ZBTB20: variants seen among roughly 807,000 people sequenced by gnomAD.
The protein encoded by ZBTB20 is zinc finger and BTB domain-containing protein 20.
A neutral mutation model predicts 56.9 loss-of-function variants in ZBTB20; 9 were observed. The ratio of observed to expected loss-of-function variants is 0.16; its 90% CI spans 0.10 to 0.28. The LOEUF (loss-of-function observed/expected upper bound fraction) is 0.28, where lower values mean the gene tolerates loss of function less well. Ranked by LOEUF, ZBTB20 falls within the 10% of genes least tolerant of loss-of-function variation. The pLI is 1.00. For missense variants in ZBTB20, 655 were observed against 1,003.0 expected, an observed-to-expected ratio of 0.65 and a Z score of 4.69; for synonymous variants, 417 against 420.7, an observed-to-expected ratio of 0.99 and a Z score of 0.11.
intron 1 of ZBTB20, among the ~76,000 whole-genome samples, chr3:115,087,332 CT>C (rs1195596607): frequency 1.3e-5 from 2 of 151,738 alleles, no homozygotes; most frequent in African/African-American, 4.8e-5. Context: ...ATGACATTTC[CT>C]TTTTCCAGTT....
At position 114,464,936 on chromosome 3, in the gene ZBTB20, T is replaced by C. The variant is rs530494878; in HGVS notation, c.-255+35416A>G. Among the ~76,000 whole-genome samples, 3 of 152,272 alleles carry C rather than the reference T, an allele frequency of 2.0e-5. No individual in the cohort carries two copies. The South Asian group carries it at 6.2e-4, about 32-fold the overall frequency. ...GTTCTTTTTCTTTCAGCTCTGAATA[T>C]CCAGGAGTTTGTAGATGTTCTCAAG... is the stretch of plus-strand genomic sequence containing the variant. On this transcript the variant is annotated intron_variant, in intron 7 of 11. Transcript: ENST00000675478.
At chr3:114,928,971 T>C (rs937352572) in intron 3 of ZBTB20, among the ~76,000 whole-genome samples, 1 of 152,252 alleles carries the variant, frequency 6.6e-6, no homozygotes, top group Non-Finnish European at 1.5e-5. Context: ...CAAGGTGTAC[T>C]GTCCTCTGTG....
chr3:114,442,759 G>A (rs1327248391), intron 7 of ZBTB20, among the ~76,000 whole-genome samples: 1 of 152,046 alleles, frequency 6.6e-6, no homozygotes, highest in Non-Finnish European at 1.5e-5. Flanking sequence ...AACCTTGAAG[G>A]ACTGGCAAGA....
intron 5 of ZBTB20, among the ~76,000 whole-genome samples, chr3:114,716,772 TGAACTTAATATA>T (rs1282525149): frequency 6.6e-6 from 1 of 152,160 alleles, no homozygotes; most frequent in Non-Finnish European, 1.5e-5. Flanking sequence ...GTTTTTCCTA[TGAACTTAATATA>T]GATTTTCAAC....
chr3:114,597,606 A>G (rs2056423447), intron 6 of ZBTB20, among the ~76,000 whole-genome samples: 1 of 152,160 alleles, frequency 6.6e-6, no homozygotes, highest in Admixed American at 6.6e-5. Flanking sequence ...GCACACAAAC[A>G]AAATTCTTCT....
At chr3:114,535,506 A>G (rs1022800478) in intron 6 of ZBTB20, among the ~76,000 whole-genome samples, 10 of 152,210 alleles carry the variant, frequency 6.6e-5, no homozygotes, top group African/African-American at 2.4e-4. Flanking sequence ...TTAATAGCCT[A>G]CCAACCAAAA....
In ZBTB20 at chr3:114,351,196, G is replaced by A. The variant is rs1195981838; in HGVS notation, c.882C>T (p.Arg294=). The part of the protein sequence containing the change: ...DPSWITRIHE[R]SQQMERYLST... The stretch of plus-strand genomic sequence containing the variant: ...ACAGGTAGCGCTCCATCTGCTGCGA[G>A]CGCTCATGGATGCGTGTGATCCAGC... The change falls in exon 11 of 12, where the codon CGC becomes CGT. Residue 294 remains arginine, a synonymous_variant. Transcript: ENST00000675478. 1 of 1,602,506 alleles carries A rather than the reference G, an allele frequency of 6.2e-7. No homozygotes were observed.
chr3:114,869,644 AAAC>A (rs2075906287), intron 4 of ZBTB20, among the ~76,000 whole-genome samples: 1 of 152,170 alleles, frequency 6.6e-6, no homozygotes, highest in African/African-American at 2.4e-5. Context: ...TTTCATCAAA[AAAC>A]AAGCCTATTT....
At chr3:114,397,728 C>T (rs2086458287) in intron 7 of ZBTB20, among the ~76,000 whole-genome samples, 1 of 152,118 alleles carries the variant, frequency 6.6e-6, no homozygotes, top group Admixed American at 6.6e-5. Context: ...ACTATATATT[C>T]TATTTTCAAA....
intron 6 of ZBTB20, among the ~76,000 whole-genome samples, chr3:114,639,585 T>C (rs1274263): frequency 0.021 from 3,152 of 152,132 alleles, 106 homozygotes; most frequent in African/African-American, 0.072. Context: ...CAAACTGACA[T>C]TTTTTTAGGA....
In ZBTB20 at chr3:114,927,782, C is replaced by T. The variant is rs140960467; in HGVS notation, c.-455-27440G>A. 7.3e-3 allele frequency among the ~76,000 whole-genome samples: 1,113 copies of T among 152,250 alleles called. 3 individuals are homozygous for T. Among genetic ancestry groups the T allele is most frequent in the Non-Finnish European group, 0.011 (769 of 68,022 alleles). ...TCACCTTATAGATAAAAATATAGTC[C>T]ATACCTCTCTATTTTATAAATGCAT... On this transcript the variant is annotated intron_variant, in intron 3 of 11. Coordinates refer to ENST00000675478, the MANE Select transcript of ZBTB20 (RefSeq NM_001348800.3).
chr3:114,541,347 A>G lies in ZBTB20; in HGVS notation c.-294-40956T>C, dbSNP rs567404528. Among the ~76,000 whole-genome samples the G allele has an allele frequency of 4.5e-4, 69 of 152,242 alleles. 1 individual carries two copies. The highest frequency in any genetic ancestry group is 1.9e-3 in the South Asian group (9 of 4,824). On this transcript the variant is annotated intron_variant, in intron 6 of 11. Coordinates refer to ENST00000675478, the MANE Select transcript of ZBTB20 (RefSeq NM_001348800.3). ...CTGTCATTTCTACAACATTCCTCCA[A>G]TGGTTTTCTACAATATATGTTTCAT...
intron 3 of ZBTB20, among the ~76,000 whole-genome samples, chr3:114,920,589 A>G (rs2075918593): frequency 1.3e-5 from 2 of 152,158 alleles, no homozygotes; most frequent in Non-Finnish European, 2.9e-5. Context: ...ATATCTTTAA[A>G]CAAATGAAAA....
At chr3:114,661,304 A>G (rs2060708380) in intron 6 of ZBTB20, among the ~76,000 whole-genome samples, 1 of 152,148 alleles carries the variant, frequency 6.6e-6, no homozygotes, top group South Asian at 2.1e-4. Context: ...AATGAGGGAG[A>G]GAAACGTACC....
At chr3:114,383,451 G>T (rs1461005159) in intron 8 of ZBTB20, among the ~76,000 whole-genome samples, 2 of 152,100 alleles carry the variant, frequency 1.3e-5, no homozygotes, top group African/African-American at 4.8e-5. Flanking sequence ...ATTCGCTCTT[G>T]TTTCCTACCT....
Position 114,940,562 on chromosome 3 carries a change from C to T in ZBTB20, c.-456+33804G>A, listed in dbSNP as rs372488210. ...AAGGACATTCTGATATAATGCATACCTATCTTCTTAATCTTCTTATTCAGC... is the reference window on the plus strand; with the variant it reads ...AAGGACATTCTGATATAATGCATACTTATCTTCTTAATCTTCTTATTCAGC... On this transcript the variant is annotated intron_variant, in intron 3 of 11. Coordinates refer to ENST00000675478, the MANE Select transcript of ZBTB20 (RefSeq NM_001348800.3). Among the ~76,000 whole-genome samples, 16 of 146,200 alleles carry T rather than the reference C, an allele frequency of 1.1e-4. 5 individuals are homozygous for T. The highest frequency in any genetic ancestry group is 4.4e-4 in the African/African-American group (16 of 35,962).
rs2074575492 is a variant in ZBTB20 at position 114,844,537 on chromosome 3, A to AAAAAAAAC, written c.-416-43364_-416-43363insGTTTTTTT. On this transcript the variant is annotated intron_variant, in intron 4 of 11. Transcript: ENST00000675478. ...CCCTGTCTCAAAAAAAAAAAAAAAA[A>AAAAAAAAC]AAAAAAAAAAAAAAACTTTCATTTC... Among the ~76,000 whole-genome samples the AAAAAAAAC allele has an allele frequency of 2.9e-5, 4 of 138,808 alleles. 1 individual carries two copies. Among genetic ancestry groups the AAAAAAAAC allele is most frequent in the African/African-American group, 5.3e-5 (2 of 37,756 alleles). 91.1% of individuals were successfully genotyped at this position (138,808 alleles called of 152,430 possible).
chr3:114,788,522 A>G (rs1217461090), intron 5 of ZBTB20, among the ~76,000 whole-genome samples: 1 of 152,108 alleles, frequency 6.6e-6, no homozygotes, highest in African/African-American at 2.4e-5. Flanking sequence ...ATTCCATTCT[A>G]TGTATGGACC....
intron 7 of ZBTB20, chr3:114,453,545 A>G (rs992746263): frequency 3.3e-5 from 5 of 152,166 alleles, no homozygotes; most frequent in Non-Finnish European, 7.4e-5. Context: ...CAAATTGATT[A>G]TTTGATGGAC....
Sources: allele counts gnomAD v4.1 joint callset (sites outside exome capture counted in the v4.1 genomes callset), GRCh38; gene constraint gnomAD v4.1.1; transcripts MANE v1.5; gene names NCBI Gene and HGNC (gene_info 2026-07-23, HGNC 2026-07-21).